The following OGDHL variants were observed in gnomAD, a reference collection of about 807,000 sequenced individuals.
OGDHL encodes 2-oxoglutarate dehydrogenase-like, mitochondrial.
In OGDHL, 79 loss-of-function variants were observed where a neutral mutation model predicts 109.6. That is an observed-to-expected ratio of 0.72 (90% CI 0.60 to 0.87). The LOEUF is 0.87. Among genes scored for constraint, OGDHL ranks in the 40% least tolerant of loss-of-function variants. The pLI, the probability that OGDHL is intolerant of heterozygous loss-of-function variation, is 0.00. For missense variants in OGDHL, 1,275 were observed against 1,362.2 expected, an observed-to-expected ratio of 0.94 and a Z score of 1.01; for synonymous variants, 528 against 537.2, an observed-to-expected ratio of 0.98 and a Z score of 0.24.
rs774592855 is a variant in OGDHL, at chr10:49,740,719, C to G, written c.2131G>C (p.Gly711Arg). ...TVCNSSLSEY[G>R]VLGFELGYAM... is the part of the protein sequence containing the mutation. ...GAGAGCGTGGACCCACCCAGGACTC[C>G]GTACTCCGAGAGGGAGCTGTTGCAC... Residue 711 changes from glycine to arginine, a missense_variant, in exon 16 of 23, where the codon GGA becomes CGA. Coordinates refer to ENST00000374103, the MANE Select transcript of OGDHL (RefSeq NM_018245.3). 3 of 1,613,476 alleles carry G rather than the reference C, an allele frequency of 1.9e-6. No individual in the cohort carries two copies. Among genetic ancestry groups the G allele is most frequent in the Non-Finnish European group, 2.5e-6 (3 of 1,179,682 alleles).
At chr10:49,755,922 C>A (rs529245120) in intron 3 of OGDHL, among the ~76,000 whole-genome samples, 33 of 152,352 alleles carry the variant, frequency 2.2e-4, no homozygotes, top group African/African-American at 7.0e-4. Flanking sequence ...TACACAATAG[C>A]TGCTGTTTGC....
rs781448685 is a variant in OGDHL, at chr10:49,746,830, C to T, written c.1216G>A (p.Val406Met). 6.2e-6 allele frequency: 10 copies of T among 1,613,988 alleles called. No individual in the cohort carries two copies. The Admixed American group carries it at 8.3e-5, about 13-fold the overall frequency. Reference protein sequence around the residue: ...HGDAAFAGQGVVYETFHLSDL... With the variant: ...HGDAAFAGQGMVYETFHLSDL... The stretch of plus-strand genomic sequence containing the variant: ...CTCAGGTGGAAGGTCTCATATACCA[C>T]GCCCTGGCCAGCAAAGGCGGCGTCC... Residue 406 changes from valine (V) to methionine (M), a missense_variant, in exon 10 of 23, where the codon GTG (valine) becomes ATG (methionine). Val to Met is a conservative substitution (Grantham distance 21, BLOSUM62 1). Transcript: ENST00000374103.
Position 49,747,068 on chromosome 10 carries a change from C to T in OGDHL, c.1128G>A (p.Lys376=), listed in dbSNP as rs189943684. Residue 376 remains lysine, a synonymous_variant, in exon 9 of 23, where the codon AAG becomes AAA. Coordinates refer to ENST00000374103, the MANE Select transcript of OGDHL (RefSeq NM_018245.3). ...AVDPVVQGKT[K]AEQFYRGDAQ... is the part of the protein sequence containing the mutation. Reference sequence around the variant, plus strand: ...CATCTCCACGGTAGAACTGCTCTGCCTTTGTCTTCCCCTGCACCACAGGGT... The same window carrying T: ...CATCTCCACGGTAGAACTGCTCTGCTTTTGTCTTCCCCTGCACCACAGGGT... The T allele has an allele frequency of 1.9e-6, 3 of 1,614,162 alleles. No individual in the cohort carries two copies. Among genetic ancestry groups the T allele is most frequent in the Non-Finnish European group, 2.5e-6 (3 of 1,180,014 alleles).
chr10:49,744,597 G>T, intron 13 of OGDHL, 53 bp downstream of exon 13: 1 of 1,411,078 alleles, frequency 7.1e-7, no homozygotes, highest in Middle Eastern at 1.9e-4. Flanking sequence ...TGATCCCAGT[G>T]CAAGACCTCA....
In OGDHL at chr10:49,747,209, C is replaced by T. The variant is rs1485861933; in HGVS notation, c.988-1G>A. ...GGTGGTACTTGACATCCCCGGAGCC[C>T]TGAAGGTGGAGATGGGAACATGATG... is the stretch of plus-strand genomic sequence containing the variant. On this transcript the variant is annotated splice_acceptor_variant, in intron 8 of 22. Coordinates refer to ENST00000374103, the MANE Select transcript of OGDHL (RefSeq NM_018245.3). LOFTEE classifies it high-confidence loss of function. The T allele has an allele frequency of 6.2e-7, 1 of 1,613,804 alleles. No individual in the cohort carries two copies. Among genetic ancestry groups the T allele is most frequent in the East Asian group, 2.2e-5 (1 of 44,874 alleles).
chr10:49,735,395 G>T (rs199966066), intron 22 of OGDHL, 44 bp from the exon 23 acceptor site: 10 of 1,596,380 alleles, frequency 6.3e-6, no homozygotes, highest in Non-Finnish European at 8.5e-6. Context: ...GGGCCTAGCC[G>T]CCCCCCAACC....
At chr10:49,757,492 C>T (rs1393398147) in intron 2 of OGDHL, among the ~76,000 whole-genome samples, 1 of 152,192 alleles carries the variant, frequency 6.6e-6, no homozygotes, top group Non-Finnish European at 1.5e-5. Context: ...CACTCCTGGA[C>T]CCAACTATTC....
rs191015832 is a variant in OGDHL, at chr10:49,741,851, A to C, written c.2012+977T>G. On this transcript the variant is annotated intron_variant, in intron 15 of 22. Transcript: ENST00000374103. ...CACACACATCCATGCACACACACCA[A>C]ACACCACACACACTACACACACCAC... Among the ~76,000 whole-genome samples, 5 of 146,356 alleles carry C rather than the reference A, an allele frequency of 3.4e-5. No individual in the cohort carries two copies. The East Asian group carries it at 1.0e-3, about 30-fold the overall frequency.
In OGDHL at chr10:49,736,461, C is replaced by G; in HGVS notation, c.2650G>C (p.Val884Leu). 5 of 1,613,990 alleles carry G rather than the reference C, an allele frequency of 3.1e-6. No homozygotes were observed. Among genetic ancestry groups the G allele is most frequent in the Non-Finnish European group, 4.2e-6 (5 of 1,180,028 alleles). ...CCCGTGCAGAAGATGAGCCGCTGCA[C>G]CTGCTCAGGGGCCCGTGCTGCGGCC... ...DGAAARAPEQ[V>L]QRLIFCTGKV... is the part of the protein sequence containing the mutation. Residue 884 changes from valine to leucine, a missense_variant, in exon 21 of 23, where the codon GTG (valine) becomes CTG (leucine). Val to Leu is a conservative substitution (Grantham distance 32). Transcript: ENST00000374103.
intron 3 of OGDHL, among the ~76,000 whole-genome samples, chr10:49,754,653 A>G (rs971250149): frequency 2.0e-5 from 3 of 149,386 alleles, no homozygotes; most frequent in Non-Finnish European, 4.4e-5. Context: ...TGCCATCACC[A>G]TCACCACCAG....
At position 49,746,856 on chromosome 10, in the gene OGDHL, C is replaced by T. The variant is rs1389082227; in HGVS notation, c.1190G>A (p.Gly397Glu). Reference sequence around the variant, plus strand: ...GCCCTGGCCAGCAAAGGCGGCGTCCCCATGAACCAGGATGGACATGACCTG... The same window carrying T: ...GCCCTGGCCAGCAAAGGCGGCGTCCTCATGAACCAGGATGGACATGACCTG... ...GKKVMSILVH[G>E]DAAFAGQGVV... Residue 397 changes from glycine to glutamate, a missense_variant, in exon 10 of 23, where the codon GGG (glycine) becomes GAG (glutamate). Transcript: ENST00000374103. 1.9e-6 allele frequency: 3 copies of T among 1,614,162 alleles called. No individual in the cohort carries two copies. Among genetic ancestry groups the T allele is most frequent in the Non-Finnish European group, 2.5e-6 (3 of 1,180,022 alleles).
chr10:49,746,040 AG>A (rs1339799279), intron 10 of OGDHL, 63 bp from the exon 11 acceptor site: 6 of 1,560,270 alleles, frequency 3.8e-6, no homozygotes, highest in Non-Finnish European at 5.2e-6. Context: ...AGAAGGTGCC[AG>A]CCTTGGAGAC....
In OGDHL at chr10:49,736,018, T is replaced by C. The variant is rs776320073; in HGVS notation, c.2909+5A>G. 9 of 1,567,012 alleles carry C rather than the reference T, an allele frequency of 5.7e-6. No homozygotes were observed. Among genetic ancestry groups the C allele is most frequent in the Admixed American group, 3.7e-5 (2 of 53,896 alleles). On this transcript the variant is annotated splice_donor_5th_base_variant and intron_variant, in intron 22 of 22. Coordinates refer to ENST00000374103, the MANE Select transcript of OGDHL (RefSeq NM_018245.3). ...TGAGGGGCAATCAGCGGCCCCACCA[T>C]GTACCATATGGGCCGTGCGCGCCTC...
rs1384831600 is a variant in OGDHL, at chr10:49,752,681, G to C, written c.435C>G (p.Asp145Glu). The change falls in exon 4 of 23, where the codon GAC (aspartate) becomes GAG (glutamate). Residue 145 changes from aspartate to glutamate, a missense_variant. Transcript: ENST00000374103. Reference sequence around the variant, plus strand: ...TGATCAAGTCTGAGGGCACAAAGGAGTCCAGGTCTGCATCCAGAATGCCCA... The same window carrying C: ...TGATCAAGTCTGAGGGCACAAAGGACTCCAGGTCTGCATCCAGAATGCCCA... ...DPLGILDADL[D>E]SFVPSDLITT... is the part of the protein sequence containing the mutation. 6.2e-6 allele frequency: 10 copies of C among 1,614,204 alleles called. No individual in the cohort carries two copies. The highest frequency in any genetic ancestry group is 8.5e-6 in the Non-Finnish European group (10 of 1,180,026).
rs1841044803 is a variant in OGDHL at position 49,735,124 on chromosome 10, C to G, written c.*104G>C. On this transcript the variant is annotated 3_prime_UTR_variant, in exon 23 of 23. Transcript: ENST00000374103. ...TCACTGTGTCTGTTTTATCCTGGGG[C>G]CCCACAGCCCCTCTCCTGGGCAGGA... The G allele has an allele frequency of 8.7e-6, 13 of 1,490,950 alleles. No homozygotes were observed. Among genetic ancestry groups the G allele is most frequent in the Non-Finnish European group, 1.2e-5 (13 of 1,110,580 alleles). The allele number at this position is 1,490,950 out of a possible 1,614,324, so 92.4% of individuals were successfully genotyped here. A position where few individuals can be genotyped will look rare whatever the true frequency, so the allele number is the denominator to read the frequency against.
chr10:49,743,880 G>T, intron 14 of OGDHL, 114 bp downstream of exon 14: 1 of 1,346,540 alleles, frequency 7.4e-7, no homozygotes. Flanking sequence ...ACCCACTACA[G>T]ACTGAGCAGG....
intron 1 of OGDHL, among the ~76,000 whole-genome samples, chr10:49,759,973 C>T (rs1004475271): frequency 2.6e-5 from 4 of 152,226 alleles, no homozygotes; most frequent in Non-Finnish European, 4.4e-5. Context: ...CCTTCTGCCT[C>T]ACCCCTGCCA....
chr10:49,742,521 A>ACATAC (rs1841851179), intron 15 of OGDHL, among the ~76,000 whole-genome samples: 1 of 31,006 alleles, frequency 3.2e-5, no homozygotes, highest in Non-Finnish European at 7.1e-5. Flanking sequence ...ATACACACCA[A>ACATAC]ACACACCACA....
chr10:49,757,130 T>C (rs1029410205), intron 2 of OGDHL, among the ~76,000 whole-genome samples, 184 bp from the exon 3 acceptor site: 4 of 152,156 alleles, frequency 2.6e-5, no homozygotes, highest in African/African-American at 9.7e-5. Context: ...AAATTGACAA[T>C]GTGAAAACAA....
Sources: gnomAD v4.1 joint callset for allele counts (sites outside exome capture counted in the v4.1 genomes callset) on GRCh38, gnomAD v4.1.1 for gene constraint, MANE v1.5 for transcripts, NCBI Gene and HGNC (gene_info 2026-07-23, HGNC 2026-07-21) for gene names.